Variants in CSF2RA observed in about 807,000 individuals in gnomAD.
CSF2RA encodes the protein colony stimulating factor 2 receptor subunit alpha.
A neutral mutation model predicts 51.6 loss-of-function variants in CSF2RA; 42 were observed. That is an observed-to-expected ratio of 0.81 (90% CI 0.64 to 1.05). The LOEUF (loss-of-function observed/expected upper bound fraction) is 1.05, where lower values mean the gene tolerates loss of function less well. Among genes scored for constraint, CSF2RA ranks in the 50% least tolerant of loss-of-function variants. The pLI is 0.00. For synonymous variants in CSF2RA, 222 were observed against 193.0 expected (o/e 1.15, Z -1.24); for missense variants, 530 against 501.1 (o/e 1.06, Z -0.55).
Position 1,305,867 on chromosome X carries a change from G to A in CSF2RA, c.1125+340G>A, listed in dbSNP as rs771981401. ...AGGTTGAGGCATGTGGATCATCTGAGGTCAGAGGTTCGAGACCAGCCTGGC... is the reference window on the plus strand; with the variant it reads ...AGGTTGAGGCATGTGGATCATCTGAAGTCAGAGGTTCGAGACCAGCCTGGC... On this transcript the variant is annotated intron_variant, in intron 12 of 12. Transcript: ENST00000381529. 5.3e-4 allele frequency: 740 copies of A among 1,384,888 alleles called. 2 individuals are homozygous for A. Among genetic ancestry groups the A allele is most frequent in the Non-Finnish European group, 1.7e-4 (174 of 1,000,446 alleles). 85.8% of individuals were successfully genotyped at this position (1,384,888 alleles called of 1,614,324 possible).
intron 11 of CSF2RA, among the ~76,000 whole-genome samples, chrX:1,304,348 C>A (rs377752882): frequency 1.2e-3 from 125 of 108,494 alleles, no homozygotes; most frequent in Middle Eastern, 5.1e-3. Flanking sequence ...TGCAGTGAGC[C>A]GAGATTGCAC....
chrX:1,280,949 T>C (rs866953858), intron 2 of CSF2RA, among the ~76,000 whole-genome samples: 749 of 19,524 alleles, frequency 0.038, 2 homozygotes, highest in East Asian at 0.068. Flanking sequence ...TCCTCCTGCT[T>C]CTCCTCCTCC....
rs745699822 is a variant in CSF2RA at position 1,293,061 on chromosome X, ACACAG to A, written c.647-1262_647-1258del. ...TGCCTGCAAACCTATTGTTAACAAG[ACACAG>A]CACATGTTTCTGTGAGCACAGTGTT... is the stretch of plus-strand genomic sequence containing the variant. On this transcript the variant is annotated intron_variant, in intron 7 of 12. Transcript: ENST00000381529. Among the ~76,000 whole-genome samples the A allele has an allele frequency of 7.0e-4, 106 of 152,292 alleles. 5 individuals carry two copies. The South Asian group carries it at 0.022, about 31-fold the overall frequency.
At chrX:1,270,519 G>A (rs1201277746) in intron 1 of CSF2RA, among the ~76,000 whole-genome samples, 2 of 152,074 alleles carry the variant, frequency 1.3e-5, no homozygotes, top group Non-Finnish European at 2.9e-5. Flanking sequence ...GATGACAGGT[G>A]TGGGCCACCG....
intron 2 of CSF2RA, among the ~76,000 whole-genome samples, chrX:1,278,912 C>T (rs1250262295): frequency 4.3e-4 from 64 of 149,690 alleles, no homozygotes; most frequent in Non-Finnish European, 8.4e-4. Flanking sequence ...TTGGTGCGTG[C>T]CTGTAGTCCC....
At chrX:1,298,825 C>T (rs1482953108) in intron 9 of CSF2RA, among the ~76,000 whole-genome samples, 1 of 152,022 alleles carries the variant, frequency 6.6e-6, no homozygotes, top group Admixed American at 6.6e-5. Context: ...CAGGAGGAGA[C>T]CCCACCTCAC....
chrX:1,275,426 G>A (rs2089051749), intron 2 of CSF2RA, among the ~76,000 whole-genome samples: 1 of 151,966 alleles, frequency 6.6e-6, no homozygotes, highest in Non-Finnish European at 1.5e-5. Flanking sequence ...TTTATTCTGA[G>A]CCAAATATGA....
the CSF2RA span, among the ~76,000 whole-genome samples, chrX:1,318,642 G>A: frequency 6.6e-6 from 1 of 151,378 alleles, no homozygotes; most frequent in African/African-American, 2.4e-5. Flanking sequence ...AGCTGACCGG[G>A]CGCGGTGGCT....
At chrX:1,271,188 C>T (rs189249177) in intron 1 of CSF2RA, among the ~76,000 whole-genome samples, 71,049 of 116,740 alleles carry the variant, frequency 0.61, 22,033 homozygotes, top group Middle Eastern at 0.74. Flanking sequence ...GACAGAGTCT[C>T]GTGCTGTCGC....
At chrX:1,316,063 G>C in the CSF2RA span, among the ~76,000 whole-genome samples, 4 of 151,584 alleles carry the variant, frequency 2.6e-5, no homozygotes, top group South Asian at 4.2e-4. Context: ...TAGATCAATA[G>C]ATAGATAGAT....
downstream of CSF2RA, among the ~76,000 whole-genome samples, chrX:1,314,894 G>GCACCTGCCC (rs2084476460): frequency 4.5e-5 from 4 of 87,924 alleles, no homozygotes; most frequent in African/African-American, 1.7e-4. Flanking sequence ...CAACCACACT[G>GCACCTGCCC]AACCTGCTCA....
chrX:1,305,494 C>T lies in CSF2RA; in HGVS notation c.1092C>T (p.Asp364=). The change falls in exon 12 of 13, where the codon GAC becomes GAT. Residue 364 remains aspartate, a synonymous_variant. Transcript: ENST00000381529. ...RLFPPVPQIK[D]KLNDNHEVED... is the part of the protein sequence containing the mutation. ...TCCCGCCAGTTCCACAGATCAAAGA[C>T]AAACTGAATGATAACCATGAGGTGG... The T allele has an allele frequency of 6.2e-7, 1 of 1,613,920 alleles. No homozygotes were observed. The highest frequency in any genetic ancestry group is 1.7e-5 in the Admixed American group (1 of 60,006).
In CSF2RA at chrX:1,309,721, G is replaced by C. The variant is rs750753313; in HGVS notation, c.*242G>C. 28 of 854,312 alleles carry C rather than the reference G, an allele frequency of 3.3e-5. No homozygotes were observed. In the East Asian group the frequency reaches 5.1e-4, roughly 16 times the overall value. 52.9% of individuals were successfully genotyped at this position (854,312 alleles called of 1,614,324 possible). On this transcript the variant is annotated 3_prime_UTR_variant, in exon 13 of 13. Transcript: ENST00000381529. Reference sequence around the variant, plus strand: ...GCCCAACATGGTGAAACCCCATCTGGACTAAAAATGCAGAAATTTACCCAG... The same window carrying C: ...GCCCAACATGGTGAAACCCCATCTGCACTAAAAATGCAGAAATTTACCCAG...
At chrX:1,278,408 C>T (rs1356650159) in intron 2 of CSF2RA, among the ~76,000 whole-genome samples, 8 of 148,676 alleles carry the variant, frequency 5.4e-5, no homozygotes, top group South Asian at 2.1e-4. Flanking sequence ...CTCCAGAGGC[C>T]AGGTGCAGTG....
intron 2 of CSF2RA, chrX:1,281,737 C>G (rs1186046592): frequency 1.2e-4 from 18 of 151,902 alleles, no homozygotes; most frequent in African/African-American, 4.1e-4. Context: ...GTTAGAATGA[C>G]TCAGTCTGCA....
At chrX:1,301,990 C>T (rs1335169873) in intron 10 of CSF2RA, among the ~76,000 whole-genome samples, 1 of 149,098 alleles carries the variant, frequency 6.7e-6, no homozygotes, top group African/African-American at 2.5e-5. Context: ...CATCTCGGCT[C>T]ACCGCGATCT....
Position 1,309,513 on chromosome X carries a change from C to G in CSF2RA, c.*34C>G. ...GGGTGTAGGAATGGCATGGACATCT[C>G]CGCCTCCGCGACACGGGGGAACTGT... is the stretch of plus-strand genomic sequence containing the variant. On this transcript the variant is annotated 3_prime_UTR_variant, in exon 13 of 13. Transcript: ENST00000381529. 1 of 1,613,966 alleles carries G rather than the reference C, an allele frequency of 6.2e-7. No individual in the cohort carries two copies. Among genetic ancestry groups the G allele is most frequent in the Non-Finnish European group, 8.5e-7 (1 of 1,179,842 alleles).
chrX:1,295,332 C>T lies in CSF2RA; in HGVS notation c.781-95C>T, dbSNP rs28694718. On this transcript the variant is annotated intron_variant, in intron 8 of 12. Transcript: ENST00000381529. ...CACTCCGCAGGGACTCCTTCCCATT[C>T]GGTGCCCACACCAGGGGAGACACTG... 558,576 of 1,506,470 alleles carry T rather than the reference C, an allele frequency of 0.37. 106,131 individuals carry two copies. Among genetic ancestry groups the T allele is most frequent in the Non-Finnish European group, 0.39 (425,779 of 1,082,244 alleles). 93.3% of individuals were successfully genotyped at this position (1,506,470 alleles called of 1,614,324 possible).
intron 3 of CSF2RA, among the ~76,000 whole-genome samples, chrX:1,284,195 CTTTTTTTTTT>C (rs752104115): frequency 2.2e-5 from 2 of 91,750 alleles, no homozygotes; most frequent in African/African-American, 3.9e-5. Flanking sequence ...CTCTGTCTCT[CTTTTTTTTTT>C]TTTTTTTTTT....
Sources: allele counts gnomAD v4.1 joint callset (sites outside exome capture counted in the v4.1 genomes callset), GRCh38; gene constraint gnomAD v4.1.1; transcripts MANE v1.5; gene names NCBI Gene and HGNC (gene_info 2026-07-23, HGNC 2026-07-21).